The following RERE variants were observed in gnomAD, a reference collection of about 807,000 sequenced individuals.
RERE encodes the protein arginine-glutamic acid dipeptide repeats protein.
A neutral mutation model predicts 146.1 loss-of-function variants in RERE; 40 were observed. The observed-to-expected ratio is 0.27, with a 90% CI of 0.21 to 0.36. RERE has a LOEUF of 0.36. Ranked by LOEUF, RERE falls within the 10% of genes least tolerant of loss-of-function variation. The probability of loss-of-function intolerance (pLI) is 1.00; values close to 1 mark genes in which losing one functional copy is unlikely to be tolerated. For synonymous variants in RERE, 1,003 were observed against 866.0 expected (o/e 1.16, Z -2.78); for missense variants, 1,933 against 2,138.7 (o/e 0.90, Z 1.90).
At chr1:8,717,718 T>TA (rs1251781133) in intron 1 of RERE, among the ~76,000 whole-genome samples, 1 of 152,200 alleles carries the variant, frequency 6.6e-6, no homozygotes, top group African/African-American at 2.4e-5. Flanking sequence ...CGAAAGGAGA[T>TA]AGACATACAT....
intron 1 of RERE, chr1:8,805,728 G>C (rs534532306): frequency 6.6e-5 from 10 of 151,736 alleles, no homozygotes; most frequent in Non-Finnish European, 1.2e-4. Flanking sequence ...TCAGAAGGCT[G>C]AGGCAGGAGA....
intron 2 of RERE, among the ~76,000 whole-genome samples, chr1:8,627,284 T>C (rs1035503035): frequency 6.6e-6 from 1 of 152,076 alleles, no homozygotes; most frequent in South Asian, 2.1e-4. Context: ...AGAAATGTAC[T>C]CAATTCTACC....
At chr1:8,553,157 C>T (rs2124416687) in intron 6 of RERE, among the ~76,000 whole-genome samples, 1 of 151,150 alleles carries the variant, frequency 6.6e-6, no homozygotes, top group East Asian at 2.0e-4. Context: ...GCCAGTGCAT[C>T]CACACATGCG....
intron 10 of RERE, among the ~76,000 whole-genome samples, chr1:8,491,790 C>G (rs1246373904): frequency 6.6e-6 from 1 of 152,118 alleles, no homozygotes; most frequent in African/African-American, 2.4e-5. Flanking sequence ...CTATGTTGCC[C>G]TAGGAAGCAG....
At chr1:8,703,369 C>G (rs1325760739) in intron 1 of RERE, 1 of 151,634 alleles carries the variant, frequency 6.6e-6, no homozygotes. Context: ...ACTCCTTCAG[C>G]CCGGGAGGCC....
chr1:8,684,697 A>AG (rs1156948286), intron 1 of RERE, among the ~76,000 whole-genome samples: 1 of 152,168 alleles, frequency 6.6e-6, no homozygotes, highest in African/African-American at 2.4e-5. Context: ...TCTCCCTATG[A>AG]GCTGTTAACC....
Position 8,428,452 on chromosome 1 carries a change from A to G in RERE, c.1204-5645T>C, listed in dbSNP as rs1031538859. The G allele has an allele frequency of 2.0e-5, 3 of 152,240 alleles. No homozygotes were observed. In the South Asian group the frequency reaches 6.2e-4, roughly 31 times the overall value. 9.4% of individuals were successfully genotyped at this position (152,240 alleles called of 1,614,324 possible). ...AGATTGTTGCTTTGTGTTACAACTT[A>G]CGTTTATGATTTTGTGCTCTAATTT... On this transcript the variant is annotated intron_variant, in intron 11 of 22. Transcript: ENST00000400908.
chr1:8,649,906 G>A (rs1167888599), intron 2 of RERE, among the ~76,000 whole-genome samples: 2 of 151,892 alleles, frequency 1.3e-5, no homozygotes, highest in African/African-American at 4.8e-5. Context: ...TAGAAGAAAA[G>A]ATACAAAAAA....
At chr1:8,756,063 T>C (rs1471005265) in intron 1 of RERE, among the ~76,000 whole-genome samples, 2 of 152,016 alleles carry the variant, frequency 1.3e-5, no homozygotes, top group African/African-American at 2.4e-5. Flanking sequence ...GAGAGGCCAA[T>C]GCAGAGGGAT....
intron 3 of RERE, among the ~76,000 whole-genome samples, chr1:8,623,905 G>C (rs916040392): frequency 1.3e-5 from 2 of 152,126 alleles, no homozygotes; most frequent in African/African-American, 4.8e-5. Flanking sequence ...AATATTGAAG[G>C]AAGTGACAGG....
intron 1 of RERE, among the ~76,000 whole-genome samples, chr1:8,773,345 A>G (rs1640992334): frequency 6.6e-6 from 1 of 152,236 alleles, no homozygotes; most frequent in South Asian, 2.1e-4. Flanking sequence ...ATATTAAATC[A>G]TAACCAGATG....
At chr1:8,605,772 C>A (rs111247969) in intron 4 of RERE, among the ~76,000 whole-genome samples, 1,504 of 93,134 alleles carry the variant, frequency 0.016, 64 homozygotes, top group African/African-American at 0.053. Flanking sequence ...AAAAAAAAAA[C>A]CCCTAAAAAA....
At chr1:8,411,199 A>G (rs1643605542) in intron 12 of RERE, among the ~76,000 whole-genome samples, 1 of 152,218 alleles carries the variant, frequency 6.6e-6, no homozygotes, top group Non-Finnish European at 1.5e-5. Context: ...ATTACTACAT[A>G]AAGAAGCATT....
intron 1 of RERE, among the ~76,000 whole-genome samples, chr1:8,679,797 G>C (rs1638922829): frequency 6.6e-6 from 1 of 152,180 alleles, no homozygotes; most frequent in South Asian, 2.1e-4. Flanking sequence ...AGGAGCACAT[G>C]TTTTCAATCA....
At chr1:8,667,035 G>A (rs1048732089) in intron 1 of RERE, among the ~76,000 whole-genome samples, 2 of 152,194 alleles carry the variant, frequency 1.3e-5, no homozygotes, top group Non-Finnish European at 2.9e-5. Context: ...GCAGAAGGCA[G>A]CAAAAAATAA....
intron 12 of RERE, among the ~76,000 whole-genome samples, chr1:8,397,734 G>A (rs1034332461): frequency 1.3e-5 from 2 of 152,124 alleles, no homozygotes; most frequent in African/African-American, 4.8e-5. Flanking sequence ...CCCATATGCA[G>A]TAAGTTCCTG....
chr1:8,788,361 A>C (rs1330641412), intron 1 of RERE, among the ~76,000 whole-genome samples: 1 of 148,158 alleles, frequency 6.7e-6, no homozygotes. Flanking sequence ...TTTATCAAGG[A>C]GTTTTTTTTT....
chr1:8,357,543 G>C (rs1641345197), intron 20 of RERE, among the ~76,000 whole-genome samples: 1 of 152,228 alleles, frequency 6.6e-6, no homozygotes. Context: ...TGGAGCAGGT[G>C]AACCTGCCTC....
intron 1 of RERE, among the ~76,000 whole-genome samples, chr1:8,690,871 A>G: frequency 6.6e-6 from 1 of 152,006 alleles, no homozygotes; most frequent in Middle Eastern, 3.2e-3. Flanking sequence ...ATGTGGCCAA[A>G]ATTTTAGTTT....
Sources: allele counts gnomAD v4.1 joint callset (sites outside exome capture counted in the v4.1 genomes callset), GRCh38; gene constraint gnomAD v4.1.1; transcripts MANE v1.5; gene names NCBI Gene and HGNC (gene_info 2026-07-23, HGNC 2026-07-21).